Variants in TP53INP1 observed in about 807,000 individuals in gnomAD.
TP53INP1 encodes tumor protein p53 inducible nuclear protein 1.
Under a neutral mutation model 21.0 loss-of-function variants are expected in TP53INP1, and 12 were observed. That is an observed-to-expected ratio of 0.57 (90% CI 0.37 to 0.93). TP53INP1 has a LOEUF of 0.93. Ranked by LOEUF, TP53INP1 falls within the 40% of genes least tolerant of loss-of-function variation. The probability of loss-of-function intolerance (pLI) is 0.01; values close to 1 mark genes in which losing one functional copy is unlikely to be tolerated. For synonymous variants in TP53INP1, 91 were observed against 94.8 expected, an observed-to-expected ratio of 0.96 and a Z score of 0.23; for missense variants, 274 against 294.7, an observed-to-expected ratio of 0.93 and a Z score of 0.51.
At chr8:94,939,637 A>T (rs1334298187) in intron 3 of TP53INP1, 1 of 553,826 alleles carries the variant, frequency 1.8e-6, no homozygotes, top group Admixed American at 3.0e-5. Context: ...AGCTTAAGTG[A>T]TCTGCCTGCC....
At position 94,946,862 on chromosome 8, in the gene TP53INP1, G is replaced by GT. The variant is rs1259602990; in HGVS notation, c.-151+2291dup. Among the ~76,000 whole-genome samples, 5 of 152,106 alleles carry GT rather than the reference G, an allele frequency of 3.3e-5. No homozygotes were observed. In the South Asian group the frequency reaches 1.0e-3, roughly 32 times the overall value. On this transcript the variant is annotated intron_variant, in intron 1 of 3. Coordinates refer to ENST00000342697, the MANE Select transcript of TP53INP1 (RefSeq NM_033285.4). ...ATAATACCTACTTCACAGTGCCAGT[G>GT]TAAGGATTAAGTGTATACTACTTAG...
intron 3 of TP53INP1, among the ~76,000 whole-genome samples, chr8:94,938,008 T>C (rs1308097986): frequency 1.3e-5 from 2 of 152,094 alleles, no homozygotes; most frequent in Non-Finnish European, 2.9e-5. Flanking sequence ...TGGGTATAAA[T>C]GAAGAGAAAG....
At chr8:94,943,816 A>C (rs1176467428) in intron 1 of TP53INP1, among the ~76,000 whole-genome samples, 1 of 152,202 alleles carries the variant, frequency 6.6e-6, no homozygotes, top group African/African-American at 2.4e-5. Context: ...GGTAAACAGG[A>C]AGTGTCACTT....
chr8:94,926,777 A>G lies in TP53INP1; in HGVS notation c.*3702T>C, dbSNP rs564544593. Reference sequence around the variant, plus strand: ...TTTCCAGTACCTCTTTCTCCACCCTAAACAGTTGAAATTTAATTGGTCTCA... The same window carrying G: ...TTTCCAGTACCTCTTTCTCCACCCTGAACAGTTGAAATTTAATTGGTCTCA... On this transcript the variant is annotated 3_prime_UTR_variant, in exon 4 of 4. Transcript: ENST00000342697. The G allele has an allele frequency of 3.3e-4, 51 of 152,342 alleles. No individual in the cohort carries two copies. The highest frequency in any genetic ancestry group is 3.4e-3 in the Middle Eastern group (1 of 294). The allele number at this position is 152,342 out of a possible 1,614,324, so 9.4% of individuals were successfully genotyped here.
intron 2 of TP53INP1, 81 bp downstream of exon 2, chr8:94,940,749 G>T: frequency 4.8e-6 from 5 of 1,043,810 alleles, no homozygotes; most frequent in Non-Finnish European, 5.7e-6. Flanking sequence ...CTCAGTTATT[G>T]GTTTCCTTAT....
chr8:94,945,487 G>A (rs1821906924), intron 1 of TP53INP1: 1 of 152,172 alleles, frequency 6.6e-6, no homozygotes, highest in Non-Finnish European at 1.5e-5. Context: ...GAACAGGACT[G>A]TTCTAGAAAA....
rs1218112223 is a variant in TP53INP1 at position 94,926,320 on chromosome 8, G to A, written c.*4159C>T. The A allele has an allele frequency of 6.6e-6, 1 of 151,370 alleles. No individual in the cohort carries two copies. Among genetic ancestry groups the A allele is most frequent in the African/African-American group, 2.4e-5 (1 of 40,924 alleles). The allele number at this position is 151,370 out of a possible 1,614,324, so 9.4% of individuals were successfully genotyped here. A position where few individuals can be genotyped will look rare whatever the true frequency, so the allele number is the denominator to read the frequency against. ...CGAGAAACACATTAAGAAGGCACAT[G>A]TACAGTCTACAATACTCTTCAGTCT... On this transcript the variant is annotated 3_prime_UTR_variant, in exon 4 of 4. Transcript: ENST00000342697.
intron 3 of TP53INP1, among the ~76,000 whole-genome samples, chr8:94,935,135 A>AGATAGATAGATAGATAGAT (rs1820845025): frequency 6.8e-6 from 1 of 146,272 alleles, no homozygotes; most frequent in African/African-American, 2.6e-5. Flanking sequence ...AGATATAGAT[A>AGATAGATAGATAGATAGAT]GATAGATAGA....
rs1245436335 is a variant in TP53INP1 at position 94,928,062 on chromosome 8, C to T, written c.*2417G>A. On this transcript the variant is annotated 3_prime_UTR_variant, in exon 4 of 4. Transcript: ENST00000342697. ...AAGAGTTTCAACTGAATTATATAAC[C>T]ATTTTCTTCAATACTTACATGTGCC... 1 of 152,112 alleles carries T rather than the reference C, an allele frequency of 6.6e-6. No individual in the cohort carries two copies. Among genetic ancestry groups the T allele is most frequent in the Non-Finnish European group, 1.5e-5 (1 of 68,034 alleles). 9.4% of individuals were successfully genotyped at this position (152,112 alleles called of 1,614,324 possible). A position where few individuals can be genotyped will look rare whatever the true frequency, so the allele number is the denominator to read the frequency against.
rs555941645 is a variant in TP53INP1, at chr8:94,941,134, C to G, written c.-150-43G>C. ...AAGGAAGTTATTTCAAATCAGCATGCACATATATACATAAGTACATACACA... is the reference window on the plus strand; with the variant it reads ...AAGGAAGTTATTTCAAATCAGCATGGACATATATACATAAGTACATACACA... On this transcript the variant is annotated intron_variant, in intron 1 of 3. Coordinates refer to ENST00000342697, the MANE Select transcript of TP53INP1 (RefSeq NM_033285.4). 26 of 572,886 alleles carry G rather than the reference C, an allele frequency of 4.5e-5. No individual in the cohort carries two copies. In the South Asian group the frequency reaches 4.8e-4, roughly 11 times the overall value. The allele number at this position is 572,886 out of a possible 1,614,324, so 35.5% of individuals were successfully genotyped here.
At chr8:94,946,037 A>C (rs1295577704) in intron 1 of TP53INP1, among the ~76,000 whole-genome samples, 1 of 152,164 alleles carries the variant, frequency 6.6e-6, no homozygotes, top group Non-Finnish European at 1.5e-5. Context: ...AAAGTCTAGA[A>C]AATAAGAAAA....
chr8:94,938,295 G>GTGCCAGTATTTTTT (rs916230234), intron 3 of TP53INP1, among the ~76,000 whole-genome samples: 1 of 152,200 alleles, frequency 6.6e-6, no homozygotes, highest in Non-Finnish European at 1.5e-5. Context: ...TTCTGGTGTT[G>GTGCCAGTATTTTTT]TGCCAGTATT....
intron 3 of TP53INP1, among the ~76,000 whole-genome samples, chr8:94,933,164 C>G (rs1304746022): frequency 6.6e-6 from 1 of 152,026 alleles, no homozygotes; most frequent in South Asian, 2.1e-4. Context: ...TGCAGTGAGC[C>G]GAGATTGCGC....
rs1247879910 is a variant in TP53INP1 at position 94,940,845 on chromosome 8, G to A, written c.97C>T (p.Leu33Phe). 1.2e-6 allele frequency: 2 copies of A among 1,612,958 alleles called. No individual in the cohort carries two copies. The highest frequency in any genetic ancestry group is 1.7e-4 in the Middle Eastern group (1 of 6,058). Residue 33 changes from leucine to phenylalanine, a missense_variant, in exon 2 of 4, where the codon CTT becomes TTT. Physicochemically the swap from Leu to Phe is conservative, Grantham distance 22. Transcript: ENST00000342697. The stretch of plus-strand genomic sequence containing the variant: ...TGTACCTTACCTATGAAGTCAACAA[G>A]AATCCATTCATCATCTTCTTTCTCA... ...FNEKEDDEWI[L>F]VDFIDTCTGF...
At chr8:94,940,252 T>G in intron 2 of TP53INP1, 32 bp from the exon 3 acceptor site, 1 of 1,564,546 alleles carries the variant, frequency 6.4e-7, no homozygotes, top group Non-Finnish European at 8.7e-7. Context: ...AGTCCACATG[T>G]GTTGTTGAAG....
intron 1 of TP53INP1, among the ~76,000 whole-genome samples, chr8:94,946,066 C>T (rs1017604292): frequency 4.0e-5 from 6 of 151,466 alleles, no homozygotes; most frequent in African/African-American, 1.5e-4. Context: ...TATTCCATTG[C>T]CTTGTTCCCA....
chr8:94,941,281 C>A (rs1260061194), intron 1 of TP53INP1, among the ~76,000 whole-genome samples, 190 bp from the exon 2 acceptor site: 1 of 152,162 alleles, frequency 6.6e-6, no homozygotes, highest in African/African-American at 2.4e-5. Flanking sequence ...TACTCAAATT[C>A]AACCTATAAA....
In TP53INP1 at chr8:94,930,514, C is replaced by G. The variant is rs1419512721; in HGVS notation, c.688G>C (p.Val230Leu). ...PRQVKHNGWV[V>L]HQPCPRQYNY ...TACTGACGCGGGCAGGGCTGATGAA[C>G]AACCCAGCCATTGTGCTTGACTTGC... The change falls in exon 4 of 4, where the codon GTT (valine) becomes CTT (leucine). Residue 230 changes from valine (V) to leucine (L), a missense_variant. By Grantham distance (32) the Val-to-Leu change is conservative. Coordinates refer to ENST00000342697, the MANE Select transcript of TP53INP1 (RefSeq NM_033285.4). 1 of 1,614,206 alleles carries G rather than the reference C, an allele frequency of 6.2e-7. No individual in the cohort carries two copies. Among genetic ancestry groups the G allele is most frequent in the South Asian group, 1.1e-5 (1 of 91,088 alleles).
intron 1 of TP53INP1, among the ~76,000 whole-genome samples, chr8:94,942,928 G>C (rs1821682690): frequency 6.6e-6 from 1 of 152,222 alleles, no homozygotes; most frequent in Admixed American, 6.5e-5. Flanking sequence ...TGTAAGCCTG[G>C]AAAAGGGGAA....
Sources: gnomAD v4.1 joint callset for allele counts (sites outside exome capture counted in the v4.1 genomes callset) on GRCh38, gnomAD v4.1.1 for gene constraint, MANE v1.5 for transcripts, NCBI Gene and HGNC (gene_info 2026-07-23, HGNC 2026-07-21) for gene names.